FREM1: variants seen among roughly 807,000 people sequenced by gnomAD.
FREM1 encodes FRAS1 related extracellular matrix 1.
In FREM1, 220 loss-of-function variants were observed where a neutral mutation model predicts 210.1. The ratio of observed to expected loss-of-function variants is 1.05; its 90% confidence interval spans 0.94 to 1.17. The LOEUF (loss-of-function observed/expected upper bound fraction) is 1.17. FREM1 is among the 50% of genes most tolerant of loss of function. FREM1 has a pLI of 0.00. For missense variants in FREM1, 3,454 were observed against 2,675.5 expected, an observed-to-expected ratio of 1.29 and a Z score of -6.42; for synonymous variants, 1,189 against 980.2, an observed-to-expected ratio of 1.21 and a Z score of -3.98.
chr9:14,748,665 G>A (rs1482132813), intron 30 of FREM1, 26 bp from the exon 31 acceptor site: 1 of 1,485,058 alleles, frequency 6.7e-7, no homozygotes, highest in Non-Finnish European at 9.3e-7. Flanking sequence ...ATGGCAGGCG[G>A]TCAGTTCATT....
intron 1 of FREM1, among the ~76,000 whole-genome samples, chr9:14,905,665 G>A (rs938954091): frequency 3.9e-5 from 6 of 152,202 alleles, no homozygotes; most frequent in African/African-American, 1.4e-4. Context: ...GAGGCTGGCG[G>A]ATCACCTGAG....
chr9:14,833,792 T>C (rs1824018916), intron 10 of FREM1, among the ~76,000 whole-genome samples: 1 of 152,232 alleles, frequency 6.6e-6, no homozygotes, highest in African/African-American at 2.4e-5. Context: ...GGAAAAAGGC[T>C]CTTTTCTTCT....
At chr9:14,851,243 T>TTATTTAA in intron 6 of FREM1, 41 bp downstream of exon 6, 3 of 1,457,266 alleles carry the variant, frequency 2.1e-6, no homozygotes, top group Non-Finnish European at 2.8e-6. Flanking sequence ...AATAACCCTG[T>TTATTTAA]GACTTCTAAC....
At chr9:14,908,003 C>A (rs1818078799) in intron 1 of FREM1, among the ~76,000 whole-genome samples, 2 of 152,152 alleles carry the variant, frequency 1.3e-5, no homozygotes, top group Admixed American at 6.5e-5. Context: ...AGTGGGCATT[C>A]TGAAATCCTT....
intron 1 of FREM1, among the ~76,000 whole-genome samples, chr9:14,906,490 G>A (rs1473708051): frequency 1.3e-5 from 2 of 152,094 alleles, no homozygotes; most frequent in Non-Finnish European, 2.9e-5. Flanking sequence ...CTAAGGTGTA[G>A]GATCACTTTA....
In FREM1 at chr9:14,812,822, G is replaced by C. The variant is rs976387422; in HGVS notation, c.2883C>G (p.Tyr961Ter). 1.2e-6 allele frequency: 2 copies of C among 1,608,686 alleles called. No individual in the cohort carries two copies. Among genetic ancestry groups the C allele is most frequent in the Admixed American group, 1.7e-5 (1 of 59,876 alleles). Residue 961 changes from tyrosine to a stop codon, truncating the protein, a stop_gained, in exon 16 of 37, where the codon TAC becomes TAG. Transcript: ENST00000380880. LOFTEE classifies it high-confidence loss of function. The stretch of plus-strand genomic sequence containing the variant: ...CATGCTGCTGCTTACCTGTGTGTTT[G>C]TATGTCACGGCCTCTGAGATAACAT... The part of the protein sequence containing the change: ...QRDVISEAVT[Y>*]KHTGGEIGLM...
At chr9:14,883,740 C>A (rs1159101016) in intron 1 of FREM1, among the ~76,000 whole-genome samples, 2 of 152,200 alleles carry the variant, frequency 1.3e-5, no homozygotes, top group Admixed American at 1.3e-4. Context: ...TAATGGGAAG[C>A]CTAGCACATC....
intron 27 of FREM1, among the ~76,000 whole-genome samples, chr9:14,769,105 T>C (rs1214237504): frequency 1.3e-5 from 2 of 152,200 alleles, no homozygotes; most frequent in Admixed American, 6.5e-5. Context: ...GAAATTGCTG[T>C]GGTCTGTTAA....
chr9:14,748,075 T>A (rs1842775826), intron 31 of FREM1, among the ~76,000 whole-genome samples: 2 of 152,176 alleles, frequency 1.3e-5, no homozygotes, highest in South Asian at 4.1e-4. Context: ...GTCAAAGCCA[T>A]GGCTTCCACA....
In FREM1 at chr9:14,770,550, T is replaced by C. The variant is rs965220131; in HGVS notation, c.5059+55A>G. ...ACTTAATTAAATTACTCTCTAGCCC[T>C]GCCAGCCACTGGGTATTTTAAAATG... is the stretch of plus-strand genomic sequence containing the variant. On this transcript the variant is annotated intron_variant, in intron 26 of 36. Coordinates refer to ENST00000380880, the MANE Select transcript of FREM1 (RefSeq NM_001379081.2). 3.7e-6 allele frequency: 5 copies of C among 1,352,714 alleles called. No individual in the cohort carries two copies. In the Admixed American group the frequency reaches 6.8e-5, roughly 18 times the overall value. 83.8% of individuals were successfully genotyped at this position (1,352,714 alleles called of 1,614,324 possible).
chr9:14,818,443 A>C (rs1487701062), intron 14 of FREM1, among the ~76,000 whole-genome samples: 2 of 152,238 alleles, frequency 1.3e-5, no homozygotes, highest in Non-Finnish European at 2.9e-5. Context: ...GTGCAGAGCT[A>C]AGCATCTGAT....
intron 35 of FREM1, among the ~76,000 whole-genome samples, chr9:14,745,897 C>T (rs1471374715): frequency 6.6e-6 from 1 of 152,166 alleles, no homozygotes; most frequent in Admixed American, 6.5e-5. Flanking sequence ...TGTATAATCG[C>T]ATTGCTAGAG....
chr9:14,756,092 G>A lies in FREM1; in HGVS notation c.5407+282C>T, dbSNP rs751072196. On this transcript the variant is annotated intron_variant, in intron 29 of 36. Coordinates refer to ENST00000380880, the MANE Select transcript of FREM1 (RefSeq NM_001379081.2). ...AACTTCAAATAATTTCTAAGTGACT[G>A]TATTTTTTTCTGGATTGTCTTGGAT... is the stretch of plus-strand genomic sequence containing the variant. Among the ~76,000 whole-genome samples, 90 of 152,130 alleles carry A rather than the reference G, an allele frequency of 5.9e-4. 2 individuals carry two copies. The highest frequency in any genetic ancestry group is 1.2e-3 in the Non-Finnish European group (81 of 67,994).
At position 14,868,930 on chromosome 9, in the gene FREM1, G is replaced by A; in HGVS notation, c.48C>T (p.Leu16=). Residue 16 remains leucine, a synonymous_variant, in exon 2 of 37, where the codon CTC becomes CTT. Transcript: ENST00000380880. ...WGAANAVLLL[L]LLAWASPTFI... ...AGGTGGGGCTGGCCCAGGCCAGGAGGAGCAGCAGCAGCACGGCATTCGCAG... is the reference window on the plus strand; with the variant it reads ...AGGTGGGGCTGGCCCAGGCCAGGAGAAGCAGCAGCAGCACGGCATTCGCAG... The A allele has an allele frequency of 1.2e-6, 2 of 1,602,270 alleles. No individual in the cohort carries two copies. The highest frequency in any genetic ancestry group is 1.7e-5 in the Admixed American group (1 of 58,828).
chr9:14,842,465 A>C lies in FREM1; in HGVS notation c.1589T>G (p.Ile530Ser). ...SPPFLITNVV[I>S]ELEEGQTILI... is the part of the protein sequence containing the mutation. ...GATGGTCTGCCCCTCCTCCAGTTCAATCACAACATTGGTTATGAGGAACGG... is the reference window on the plus strand; with the variant it reads ...GATGGTCTGCCCCTCCTCCAGTTCACTCACAACATTGGTTATGAGGAACGG... Residue 530 changes from isoleucine (I) to serine (S), a missense_variant, in exon 9 of 37, where the codon ATT (isoleucine) becomes AGT (serine). Physicochemically the swap from Ile to Ser is moderately radical, Grantham distance 142. Transcript: ENST00000380880. 1 of 1,613,984 alleles carries C rather than the reference A, an allele frequency of 6.2e-7. No homozygotes were observed. Among genetic ancestry groups the C allele is most frequent in the Non-Finnish European group, 8.5e-7 (1 of 1,179,862 alleles).
intron 1 of FREM1, among the ~76,000 whole-genome samples, chr9:14,883,364 A>G (rs1310891870): frequency 6.6e-6 from 1 of 152,228 alleles, no homozygotes; most frequent in Non-Finnish European, 1.5e-5. Context: ...ATTAGAAGCA[A>G]TAAAGATCAA....
At chr9:14,813,514 C>T (rs1025494587) in intron 15 of FREM1, among the ~76,000 whole-genome samples, 2 of 152,188 alleles carry the variant, frequency 1.3e-5, no homozygotes, top group South Asian at 4.1e-4. Flanking sequence ...CCTCCACCCT[C>T]AACTTCCTGC....
Position 14,854,024 on chromosome 9 carries a change from T to C in FREM1, c.829-2417A>G, listed in dbSNP as rs540815008. Reference sequence around the variant, plus strand: ...ATGCTAGAACTGAAATTGCAAATTATATAAACAAAGCAATTGCCAGGAGAA... The same window carrying C: ...ATGCTAGAACTGAAATTGCAAATTACATAAACAAAGCAATTGCCAGGAGAA... On this transcript the variant is annotated intron_variant, in intron 5 of 36. Transcript: ENST00000380880. 6.6e-5 allele frequency among the ~76,000 whole-genome samples: 10 copies of C among 152,336 alleles called. No individual in the cohort carries two copies. In the South Asian group the frequency reaches 8.3e-4, roughly 13 times the overall value.
intron 27 of FREM1, among the ~76,000 whole-genome samples, chr9:14,768,333 T>C (rs1464536241): frequency 7.2e-5 from 11 of 151,838 alleles, no homozygotes; most frequent in Non-Finnish European, 7.4e-5. Context: ...TTTTTTTTTT[T>C]TTTACATTTT....
Sources: gnomAD v4.1 joint callset for allele counts (sites outside exome capture counted in the v4.1 genomes callset) on GRCh38, gnomAD v4.1.1 for gene constraint, MANE v1.5 for transcripts, NCBI Gene and HGNC (gene_info 2026-07-23, HGNC 2026-07-21) for gene names.